TGM6: variants seen among roughly 807,000 people sequenced by gnomAD.
The protein encoded by TGM6 is transglutaminase 6, also known as protein-glutamine gamma-glutamyltransferase 6.
Under a neutral mutation model 77.5 loss-of-function variants are expected in TGM6, and 74 were observed. That is an observed-to-expected ratio of 0.96 (90% confidence interval 0.79 to 1.16). The LOEUF is 1.16. Ranked by LOEUF, TGM6 falls within the 50% of genes most tolerant of loss-of-function variation. The probability of loss-of-function intolerance (pLI) is 0.00; values close to 1 mark genes in which losing one functional copy is unlikely to be tolerated. For missense variants in TGM6, 968 were observed against 940.2 expected, an observed-to-expected ratio of 1.03 and a Z score of -0.39; for synonymous variants, 383 against 378.9, an observed-to-expected ratio of 1.01 and a Z score of -0.12.
At position 2,416,485 on chromosome 20, in the gene TGM6, C is replaced by G. The variant is rs189602670; in HGVS notation, c.1337-747C>G. 8.9e-4 allele frequency among the ~76,000 whole-genome samples: 135 copies of G among 152,242 alleles called. 1 individual carries two copies. The highest frequency in any genetic ancestry group is 3.4e-3 in the Middle Eastern group (1 of 294). ...ATGCAAAAGAATGAAGTTGTTATAC[C>G]CTACAGTTCTGTAATCATATTTATA... On this transcript the variant is annotated intron_variant, in intron 9 of 12. Coordinates refer to ENST00000202625, the MANE Select transcript of TGM6 (RefSeq NM_198994.3).
At chr20:2,412,875 T>G (rs2084793008) in intron 9 of TGM6, among the ~76,000 whole-genome samples, 1 of 152,104 alleles carries the variant, frequency 6.6e-6, no homozygotes, top group Non-Finnish European at 1.5e-5. Context: ...TGAAAGAAAT[T>G]AATGATCTAA....
chr20:2,392,528 G>A (rs992144459), intron 1 of TGM6, among the ~76,000 whole-genome samples: 11 of 152,148 alleles, frequency 7.2e-5, no homozygotes, highest in East Asian at 1.9e-4. Context: ...CTCATGTTAC[G>A]AGGACTCTAA....
chr20:2,420,741 G>A (rs1437861502), intron 10 of TGM6, among the ~76,000 whole-genome samples: 1 of 152,120 alleles, frequency 6.6e-6, no homozygotes, highest in Non-Finnish European at 1.5e-5. Context: ...AAATCATACA[G>A]TGTAATTAAG....
intron 12 of TGM6, 106 bp from the exon 13 acceptor site, chr20:2,432,383 CA>C: frequency 1.4e-6 from 2 of 1,421,996 alleles, no homozygotes; most frequent in Non-Finnish European, 2.0e-6. Flanking sequence ...TGTCAAGCCA[CA>C]AGGTGAACTT....
chr20:2,394,438 C>T lies in TGM6; in HGVS notation c.8-14C>T, dbSNP rs750340581. ...GAGGCCGTGGCCTCATCTCCCTGTCCTCTCCCCACCCAGGGATCAGAGTCA... is the reference window on the plus strand; with the variant it reads ...GAGGCCGTGGCCTCATCTCCCTGTCTTCTCCCCACCCAGGGATCAGAGTCA... On this transcript the variant is annotated splice_polypyrimidine_tract_variant and intron_variant, in intron 1 of 12. Transcript: ENST00000202625. 1.7e-5 allele frequency: 27 copies of T among 1,611,024 alleles called. No homozygotes were observed. Among genetic ancestry groups the T allele is most frequent in the Non-Finnish European group, 2.2e-5 (26 of 1,179,832 alleles).
intron 1 of TGM6, among the ~76,000 whole-genome samples, chr20:2,385,856 T>C (rs1012479553): frequency 1.3e-5 from 2 of 152,176 alleles, no homozygotes; most frequent in East Asian, 1.9e-4. Context: ...CCTGGGCCCT[T>C]AACCAGGTTC....
chr20:2,384,479 A>G (rs921243150), intron 1 of TGM6, among the ~76,000 whole-genome samples: 2 of 152,242 alleles, frequency 1.3e-5, no homozygotes, highest in Admixed American at 6.5e-5. Flanking sequence ...TTGTGTAAAT[A>G]GTAATGATGA....
chr20:2,430,633 T>C (rs2084917927), intron 11 of TGM6, 33 bp downstream of exon 11: 4 of 1,613,202 alleles, frequency 2.5e-6, no homozygotes, highest in Non-Finnish European at 3.4e-6. Flanking sequence ...ATGCTGTTCC[T>C]AGTGGCACCC....
chr20:2,406,539 G>A (rs1206419303), intron 9 of TGM6, among the ~76,000 whole-genome samples: 4 of 149,312 alleles, frequency 2.7e-5, no homozygotes, highest in African/African-American at 9.9e-5. Flanking sequence ...TTTGTCCTAA[G>A]ATTTAACTAT....
intron 2 of TGM6, 130 bp from the exon 3 acceptor site, chr20:2,395,064 G>C (rs539194680): frequency 6.9e-7 from 1 of 1,450,748 alleles, no homozygotes; most frequent in Non-Finnish European, 9.3e-7. Context: ...TCTTTGTCAG[G>C]TCCTTCTCCC....
chr20:2,396,562 AGC>A lies in TGM6; in HGVS notation c.483_484del (p.Ser161ArgfsTer22), dbSNP rs2084669301. On this transcript the variant is annotated frameshift_variant, in exon 4 of 13. Coordinates refer to ENST00000202625, the MANE Select transcript of TGM6 (RefSeq NM_198994.3). LOFTEE classifies it high-confidence loss of function. ...EERQEYVLSD[S>X]GIIFRGVEKH... ...GAGACAGGAGTACGTGCTCAGCGACAGCGGCATCATCTTCCGAGGCGTGGAGA... is the reference window on the plus strand; with the variant it reads ...GAGACAGGAGTACGTGCTCAGCGACAGGCATCATCTTCCGAGGCGTGGAGA... The A allele has an allele frequency of 6.2e-7, 1 of 1,614,118 alleles. No individual in the cohort carries two copies. Among genetic ancestry groups the A allele is most frequent in the South Asian group, 1.1e-5 (1 of 91,092 alleles).
intron 4 of TGM6, among the ~76,000 whole-genome samples, chr20:2,397,004 A>C (rs2122353049): frequency 6.6e-6 from 1 of 152,286 alleles, no homozygotes; most frequent in African/African-American, 2.4e-5. Context: ...GTTTCTAACC[A>C]GTTCCCAGGT....
At chr20:2,426,191 A>T (rs1037817067) in intron 10 of TGM6, among the ~76,000 whole-genome samples, 1 of 152,086 alleles carries the variant, frequency 6.6e-6, no homozygotes, top group Admixed American at 6.5e-5. Flanking sequence ...AGAGTTTTAC[A>T]GTTCTTCTTG....
intron 1 of TGM6, among the ~76,000 whole-genome samples, chr20:2,391,484 A>T (rs1233621885): frequency 2.0e-5 from 3 of 150,792 alleles, no homozygotes. Context: ...CAGTGCAAAG[A>T]GTAACTGAGC....
At chr20:2,396,997 T>A (rs1387150802) in intron 4 of TGM6, among the ~76,000 whole-genome samples, 1 of 152,182 alleles carries the variant, frequency 6.6e-6, no homozygotes, top group African/African-American at 2.4e-5. Flanking sequence ...AATGTGCGTT[T>A]CTAACCAGTT....
intron 2 of TGM6, 88 bp downstream of exon 2, chr20:2,394,713 G>A: frequency 7.0e-7 from 1 of 1,425,510 alleles, no homozygotes; most frequent in South Asian, 1.2e-5. Flanking sequence ...GCAGTCAGCA[G>A]CTCAGGCTCT....
chr20:2,409,419 C>G (rs2084771132), intron 9 of TGM6, among the ~76,000 whole-genome samples: 1 of 152,064 alleles, frequency 6.6e-6, no homozygotes, highest in Non-Finnish European at 1.5e-5. Flanking sequence ...ACCTTAAGAA[C>G]CTAGAAAAAT....
chr20:2,398,095 A>G, intron 5 of TGM6, 49 bp downstream of exon 5: 1 of 1,613,938 alleles, frequency 6.2e-7, no homozygotes. Flanking sequence ...AGGATCCCCC[A>G]GCCAACCCCG....
At chr20:2,400,166 A>G (rs1018949064) in intron 6 of TGM6, 140 bp from the exon 7 acceptor site, 4 of 1,230,800 alleles carry the variant, frequency 3.2e-6, no homozygotes, top group Non-Finnish European at 4.6e-6. Context: ...CAGCCCCACA[A>G]CCTGATGAAC....
Sources: allele counts gnomAD v4.1 joint callset (sites outside exome capture counted in the v4.1 genomes callset), GRCh38; gene constraint gnomAD v4.1.1; transcripts MANE v1.5; gene names NCBI Gene and HGNC (gene_info 2026-07-23, HGNC 2026-07-21).